Variants in ANO2 observed in about 807,000 individuals in gnomAD.
ANO2 encodes the protein anoctamin 2.
ANO2 carries 101 observed loss-of-function variants against 124.2 expected under a neutral mutation model. The ratio of observed to expected loss-of-function variants is 0.81; its 90% CI spans 0.69 to 0.96. The LOEUF (loss-of-function observed/expected upper bound fraction) is 0.96. Among genes scored for constraint, ANO2 ranks in the 40% least tolerant of loss-of-function variants. The probability of loss-of-function intolerance (pLI) is 0.00; values close to 1 mark genes in which losing one functional copy is unlikely to be tolerated. For missense variants in ANO2, 1,293 were observed against 1,274.5 expected (o/e 1.01, Z -0.22); for synonymous variants, 486 against 482.5 (o/e 1.01, Z -0.09).
In ANO2 at chr12:5,565,703, T is replaced by G. The variant is rs367720215; in HGVS notation, c.2622-40A>C. 4.7e-6 allele frequency: 7 copies of G among 1,502,716 alleles called. No individual in the cohort carries two copies. The East Asian group carries it at 1.5e-4, about 32-fold the overall frequency. 93.1% of individuals were successfully genotyped at this position (1,502,716 alleles called of 1,614,324 possible). A position where few individuals can be genotyped will look rare whatever the true frequency, so the allele number is the denominator to read the frequency against. ...ATGTGGTGTTAAGATCAGGAGCGCA[T>G]GGAGAAAAGGGTGGTCATTCTCTGG... is the stretch of plus-strand genomic sequence containing the variant. On this transcript the variant is annotated intron_variant, in intron 23 of 24. Coordinates refer to ENST00000682330, the MANE Select transcript of ANO2 (RefSeq NM_001364791.2).
At chr12:5,933,107 G>A (rs932567455) in intron 1 of ANO2, among the ~76,000 whole-genome samples, 3 of 152,164 alleles carry the variant, frequency 2.0e-5, no homozygotes, top group African/African-American at 2.4e-5. Context: ...GATTTGAGGG[G>A]CACAGAAAGG....
Position 5,905,639 on chromosome 12 carries a change from C to T in ANO2, c.534+15401G>A, listed in dbSNP as rs1032604146. On this transcript the variant is annotated intron_variant, in intron 3 of 24. Transcript: ENST00000682330. ...TACTGTCCCTAGGAAATCATGTCTG[C>T]GTCTTTTTTCTGAAGAGCCCATGAC... 2.9e-4 allele frequency among the ~76,000 whole-genome samples: 44 copies of T among 152,288 alleles called. 1 individual carries two copies. Among genetic ancestry groups the T allele is most frequent in the African/African-American group, 9.9e-4 (41 of 41,566 alleles).
At position 5,852,848 on chromosome 12, in the gene ANO2, C is replaced by CGTGTGTGTGTGTGT. The variant is rs71445682; in HGVS notation, c.633+1181_633+1194dup. On this transcript the variant is annotated intron_variant, in intron 4 of 24. Transcript: ENST00000682330. ...TATACAACTACACTATGGAAAGGGA[C>CGTGTGTGTGTGTGT]GTGTGTGTGTGTGTGTGTGTGTGTG... 3.0e-4 allele frequency among the ~76,000 whole-genome samples: 37 copies of CGTGTGTGTGTGTGT among 123,958 alleles called. 1 individual carries two copies. Among genetic ancestry groups the CGTGTGTGTGTGTGT allele is most frequent in the African/African-American group, 8.3e-4 (27 of 32,410 alleles). The allele number at this position is 123,958 out of a possible 152,430, so 81.3% of individuals were successfully genotyped here.
At chr12:5,761,861 A>G (rs1321748602) in intron 10 of ANO2, among the ~76,000 whole-genome samples, 3 of 152,156 alleles carry the variant, frequency 2.0e-5, no homozygotes, top group Non-Finnish European at 4.4e-5. Flanking sequence ...CAAACAAAAC[A>G]AAACAAAAAT....
chr12:5,903,002 T>C (rs1940421622), intron 3 of ANO2, among the ~76,000 whole-genome samples: 1 of 151,156 alleles, frequency 6.6e-6, no homozygotes, highest in East Asian at 2.0e-4. Context: ...CTAGGGACCA[T>C]CCAGCTTCCT....
chr12:5,920,873 A>AC (rs1941657121), intron 3 of ANO2, among the ~76,000 whole-genome samples, 167 bp downstream of exon 3: 1 of 152,014 alleles, frequency 6.6e-6, no homozygotes, highest in Non-Finnish European at 1.5e-5. Flanking sequence ...TCTCAAAAAA[A>AC]ATTTTTTTTA....
intron 3 of ANO2, among the ~76,000 whole-genome samples, chr12:5,906,621 C>A (rs1425074584): frequency 6.6e-6 from 1 of 152,018 alleles, no homozygotes; most frequent in Non-Finnish European, 1.5e-5. Flanking sequence ...ACAGTGAAAC[C>A]CAGTCTCTAC....
intron 14 of ANO2, among the ~76,000 whole-genome samples, chr12:5,650,369 T>C (rs1208762278): frequency 6.6e-6 from 1 of 152,238 alleles, no homozygotes; most frequent in Non-Finnish European, 1.5e-5. Context: ...TATAACATTC[T>C]AGTGGATGTT....
chr12:5,599,711 AAAAGTTTTGACACT>A, intron 19 of ANO2, 82 bp from the exon 20 acceptor site: 2 of 1,483,152 alleles, frequency 1.3e-6, no homozygotes, highest in Non-Finnish European at 1.8e-6. Context: ...AAAAGAACAC[AAAAGTTTTGACACT>A]AAAGCCATCT....
chr12:5,833,716 C>T (rs921826876), intron 4 of ANO2, among the ~76,000 whole-genome samples: 3 of 152,116 alleles, frequency 2.0e-5, no homozygotes, highest in African/African-American at 7.2e-5. Flanking sequence ...CTATTGTGAA[C>T]TGCACATGTG....
intron 3 of ANO2, among the ~76,000 whole-genome samples, chr12:5,902,556 T>A (rs1038003860): frequency 1.7e-5 from 2 of 117,790 alleles, no homozygotes; most frequent in African/African-American, 6.7e-5. Context: ...ACCACTGCAC[T>A]CCAGCCTGGC....
At chr12:5,776,363 G>A (rs1230898800) in intron 10 of ANO2, among the ~76,000 whole-genome samples, 1 of 152,208 alleles carries the variant, frequency 6.6e-6, no homozygotes, top group Non-Finnish European at 1.5e-5. Context: ...CTGCTCTCTT[G>A]TTATGTAACT....
intron 3 of ANO2, among the ~76,000 whole-genome samples, chr12:5,855,731 C>G (rs140991888): frequency 0.022 from 3,331 of 152,282 alleles, 66 homozygotes; most frequent in Non-Finnish European, 0.028. Flanking sequence ...TATTCCACAG[C>G]TGAGGAAAGC....
intron 10 of ANO2, among the ~76,000 whole-genome samples, chr12:5,766,168 G>C (rs1426776993): frequency 6.6e-6 from 1 of 152,148 alleles, no homozygotes; most frequent in East Asian, 1.9e-4. Flanking sequence ...GCTGAGCATA[G>C]GTATCCGGTA....
chr12:5,760,232 GT>G (rs1396454120), intron 10 of ANO2, among the ~76,000 whole-genome samples: 132 of 152,150 alleles, frequency 8.7e-4, no homozygotes, highest in African/African-American at 3.2e-3. Flanking sequence ...AGTTTATAAA[GT>G]TTGTAAATTA....
At chr12:5,825,407 A>T (rs1164367776) in intron 7 of ANO2, among the ~76,000 whole-genome samples, 1 of 152,240 alleles carries the variant, frequency 6.6e-6, no homozygotes, top group Non-Finnish European at 1.5e-5. Flanking sequence ...CACGGGTCCA[A>T]GAATCAAGGC....
Position 5,921,359 on chromosome 12 carries a change from T to C in ANO2, c.215A>G (p.Asn72Ser), listed in dbSNP as rs751870395. ...AGGCTCATTGGCATCCAGATAGTTG[T>C]TGATGACCTGGCCAGAGAGAGAGGA... ...GESTRSSSVINNYLDANEPVS... is the reference protein window; with the variant it reads ...GESTRSSSVISNYLDANEPVS... The change falls in exon 3 of 25, where the codon AAC (asparagine) becomes AGC (serine). Residue 72 changes from asparagine (N) to serine (S), a missense_variant. Transcript: ENST00000682330. 1.9e-6 allele frequency: 3 copies of C among 1,613,418 alleles called. No homozygotes were observed. Among genetic ancestry groups the C allele is most frequent in the East Asian group, 2.2e-5 (1 of 44,878 alleles).
intron 7 of ANO2, among the ~76,000 whole-genome samples, chr12:5,808,228 G>A (rs932542585): frequency 6.6e-6 from 1 of 152,232 alleles, no homozygotes; most frequent in Non-Finnish European, 1.5e-5. Flanking sequence ...AATTCCAACA[G>A]TGTCTCACAC....
At chr12:5,589,174 A>T (rs1943269853) in intron 20 of ANO2, among the ~76,000 whole-genome samples, 1 of 152,194 alleles carries the variant, frequency 6.6e-6, no homozygotes, top group African/African-American at 2.4e-5. Flanking sequence ...TGTGAACTTC[A>T]TCTTCTCTCC....
Sources: allele counts gnomAD v4.1 joint callset (sites outside exome capture counted in the v4.1 genomes callset), GRCh38; gene constraint gnomAD v4.1.1; transcripts MANE v1.5; gene names NCBI Gene and HGNC (gene_info 2026-07-23, HGNC 2026-07-21).